Variants in ROBO2 observed in about 807,000 individuals in gnomAD.
ROBO2 encodes the protein roundabout guidance receptor 2, also known as roundabout homolog 2.
Under a neutral mutation model 160.8 loss-of-function variants are expected in ROBO2, and 53 were observed. The ratio of observed to expected loss-of-function variants is 0.33; its 90% CI spans 0.26 to 0.41. The LOEUF (loss-of-function observed/expected upper bound fraction) is 0.41, where lower values mean the gene tolerates loss of function less well. ROBO2 is among the 10% of genes least tolerant of loss of function. The probability of loss-of-function intolerance (pLI) is 1.00; values close to 1 mark genes in which losing one functional copy is unlikely to be tolerated. For missense variants in ROBO2, 1,577 were observed against 1,722.4 expected (o/e 0.92, Z 1.49); for synonymous variants, 664 against 611.7 (o/e 1.09, Z -1.26).
At chr3:77,556,065 G>GTATTTAATTTGGAAAAT (rs1440329789) in intron 8 of ROBO2, among the ~76,000 whole-genome samples, 1 of 116,116 alleles carries the variant, frequency 8.6e-6, no homozygotes, top group Non-Finnish European at 1.9e-5. Flanking sequence ...TTCTGCATAG[G>GTATTTAATTTGGAAAAT]TATTTAATTT....
chr3:76,670,239 ATT>A (rs1286505690), intron 2 of ROBO2, among the ~76,000 whole-genome samples: 1 of 151,598 alleles, frequency 6.6e-6, no homozygotes, highest in Non-Finnish European at 1.5e-5. Flanking sequence ...AGTTCTGTGT[ATT>A]TTAGCTTTTA....
chr3:77,231,583 G>T (rs1223902860), intron 2 of ROBO2, among the ~76,000 whole-genome samples: 1 of 151,664 alleles, frequency 6.6e-6, no homozygotes, highest in Non-Finnish European at 1.5e-5. Flanking sequence ...GGCCACGCTG[G>T]AATCTTTTTT....
At position 77,546,364 on chromosome 3, in the gene ROBO2, A is replaced by G; in HGVS notation, c.961A>G (p.Arg321Gly). The G allele has an allele frequency of 6.2e-7, 1 of 1,613,266 alleles. No individual in the cohort carries two copies. Among genetic ancestry groups the G allele is most frequent in the African/African-American group, 1.3e-5 (1 of 75,002 alleles). Residue 321 changes from arginine to glycine, a missense_variant, in exon 7 of 26, where the codon AGA becomes GGA. Coordinates refer to ENST00000461745, the Ensembl canonical transcript of ROBO2. ...TCCCCCACAGTTTGTGGTTCGGCCA[A>G]GAGATCAGATTGTTGCTCAAGGTCG...
intron 2 of ROBO2, among the ~76,000 whole-genome samples, chr3:76,258,053 G>A (rs1038489282): frequency 6.6e-6 from 1 of 151,994 alleles, no homozygotes; most frequent in Non-Finnish European, 1.5e-5. Context: ...TTAGCCTAGA[G>A]AAACTCAGAT....
intron 2 of ROBO2, among the ~76,000 whole-genome samples, chr3:77,346,950 T>A (rs1455671070): frequency 6.6e-6 from 1 of 152,164 alleles, no homozygotes; most frequent in Non-Finnish European, 1.5e-5. Context: ...GAAATCTTCT[T>A]ATTTTAAGGT....
intron 2 of ROBO2, among the ~76,000 whole-genome samples, chr3:76,749,661 A>G (rs868265126): frequency 6.6e-6 from 1 of 152,128 alleles, no homozygotes; most frequent in Non-Finnish European, 1.5e-5. Flanking sequence ...TGGGTATACA[A>G]GTATCAATGG....
At chr3:77,491,543 A>G (rs1309210955) in intron 4 of ROBO2, among the ~76,000 whole-genome samples, 1 of 152,132 alleles carries the variant, frequency 6.6e-6, no homozygotes, top group Non-Finnish European at 1.5e-5. Flanking sequence ...CTCAATACCA[A>G]CTATGCCAGC....
intron 2 of ROBO2, among the ~76,000 whole-genome samples, chr3:76,927,258 T>TA (rs2149030579): frequency 6.6e-6 from 1 of 152,206 alleles, no homozygotes; most frequent in Admixed American, 6.5e-5. Flanking sequence ...GTTTGTTGAA[T>TA]AAAAAATTAC....
chr3:76,570,043 G>A (rs1199958420), intron 2 of ROBO2, among the ~76,000 whole-genome samples: 4 of 152,156 alleles, frequency 2.6e-5, no homozygotes, highest in Non-Finnish European at 5.9e-5. Context: ...GCTGAGGTGG[G>A]AGGATTGCTT....
intron 2 of ROBO2, among the ~76,000 whole-genome samples, chr3:76,717,013 T>C (rs2093390529): frequency 6.6e-6 from 1 of 152,208 alleles, no homozygotes; most frequent in Non-Finnish European, 1.5e-5. Flanking sequence ...GCATTTTTGC[T>C]TAGAAAGTGG....
At chr3:75,990,749 CT>C (rs1215048673) in intron 2 of ROBO2, among the ~76,000 whole-genome samples, 1 of 152,074 alleles carries the variant, frequency 6.6e-6, no homozygotes, top group African/African-American at 2.4e-5. Context: ...TAGTCCTTGT[CT>C]TTTTCATGAA....
intron 2 of ROBO2, among the ~76,000 whole-genome samples, chr3:76,996,008 A>G (rs2060980955): frequency 6.6e-6 from 1 of 152,122 alleles, no homozygotes; most frequent in African/African-American, 2.4e-5. Context: ...TTGGTGTTTT[A>G]GACATGAAGT....
rs1222300722 is a variant in ROBO2, at chr3:77,540,209, G to T, written c.935-6129G>T. Among the ~76,000 whole-genome samples, 3 of 152,192 alleles carry T rather than the reference G, an allele frequency of 2.0e-5. No individual in the cohort carries two copies. In the East Asian group the frequency reaches 5.8e-4, roughly 29 times the overall value. ...TAGTATAGAAAGAGAAAAGTAATGG[G>T]TTTTATGCTACCCTAATAATAAAAA... On this transcript the variant is annotated intron_variant, in intron 6 of 25. Transcript: ENST00000461745.
intron 2 of ROBO2, among the ~76,000 whole-genome samples, chr3:76,638,373 G>A (rs919440932): frequency 2.6e-5 from 4 of 152,094 alleles, no homozygotes; most frequent in African/African-American, 9.7e-5. Context: ...TCCAAAGAAA[G>A]AATTGGTGGT....
At chr3:76,805,717 C>A (rs188443719) in intron 2 of ROBO2, among the ~76,000 whole-genome samples, 2 of 149,626 alleles carry the variant, frequency 1.3e-5, no homozygotes, top group East Asian at 4.0e-4. Flanking sequence ...TGTATTCCAA[C>A]CTACTGGTAT....
At chr3:77,367,493 G>A (rs1430642028) in intron 2 of ROBO2, among the ~76,000 whole-genome samples, 5 of 151,922 alleles carry the variant, frequency 3.3e-5, no homozygotes, top group Admixed American at 6.6e-5. Context: ...ATCATAACCG[G>A]ACTCGCGATA....
intron 2 of ROBO2, among the ~76,000 whole-genome samples, chr3:76,168,159 C>T (rs2072906580): frequency 6.6e-6 from 1 of 152,190 alleles, no homozygotes; most frequent in Non-Finnish European, 1.5e-5. Context: ...GGTAAGTTCA[C>T]TGTTCCTGGA....
intron 2 of ROBO2, among the ~76,000 whole-genome samples, chr3:76,261,277 A>C (rs1706743961): frequency 6.6e-6 from 1 of 151,590 alleles, no homozygotes; most frequent in South Asian, 2.1e-4. Context: ...GTGGTGGAAG[A>C]GAACCTAGGG....
At chr3:76,305,240 A>G (rs2071277403) in intron 2 of ROBO2, among the ~76,000 whole-genome samples, 1 of 151,688 alleles carries the variant, frequency 6.6e-6, no homozygotes, top group Non-Finnish European at 1.5e-5. Context: ...AAGCTAGAAA[A>G]ATTAGCCAGG....
Sources: allele counts gnomAD v4.1 joint callset (sites outside exome capture counted in the v4.1 genomes callset), GRCh38; gene constraint gnomAD v4.1.1; transcripts MANE v1.5; gene names NCBI Gene and HGNC (gene_info 2026-07-23, HGNC 2026-07-21).